LRP6: variants seen among roughly 807,000 people sequenced by gnomAD.
LRP6 encodes low-density lipoprotein receptor-related protein 6.
LRP6 carries 43 observed loss-of-function variants against 184.1 expected under a neutral mutation model. That is an observed-to-expected ratio of 0.23 (90% CI 0.18 to 0.30). The LOEUF (loss-of-function observed/expected upper bound fraction) is 0.30. LRP6 is among the 10% of genes least tolerant of loss of function. LRP6 has a pLI of 1.00. For synonymous variants in LRP6, 719 were observed against 684.9 expected, an observed-to-expected ratio of 1.05 and a Z score of -0.78; for missense variants, 1,571 against 2,005.3, an observed-to-expected ratio of 0.78 and a Z score of 4.14.
At chr12:12,216,625 G>C (rs948937799) in intron 2 of LRP6, among the ~76,000 whole-genome samples, 60 of 150,396 alleles carry the variant, frequency 4.0e-4, no homozygotes, top group Admixed American at 1.1e-3. Context: ...GGGTTTTCTT[G>C]GATGTGGTCT....
At chr12:12,222,918 A>G (rs180706382) in intron 2 of LRP6, among the ~76,000 whole-genome samples, 1 of 152,326 alleles carries the variant, frequency 6.6e-6, no homozygotes, top group East Asian at 1.9e-4. Context: ...AAGTATATAA[A>G]GCATTTAGCA....
intron 2 of LRP6, among the ~76,000 whole-genome samples, chr12:12,232,225 A>C (rs1281448843): frequency 1.3e-5 from 2 of 151,852 alleles, no homozygotes; most frequent in East Asian, 3.9e-4. Context: ...CTACTAAAAA[A>C]TACAAAAAAT....
intron 2 of LRP6, among the ~76,000 whole-genome samples, chr12:12,233,116 T>C (rs1202186629): frequency 1.3e-5 from 2 of 152,170 alleles, no homozygotes; most frequent in Non-Finnish European, 2.9e-5. Flanking sequence ...TCTTCAAATC[T>C]TTCTTTCCAA....
intron 1 of LRP6, chr12:12,248,937 T>G (rs1303256510): frequency 4.5e-6 from 2 of 441,380 alleles, no homozygotes; most frequent in Non-Finnish European, 8.2e-6. Flanking sequence ...CTCTCTGTTG[T>G]TCCAAATGAC....
At chr12:12,153,047 T>A (rs1950102966) in intron 12 of LRP6, among the ~76,000 whole-genome samples, 1 of 152,228 alleles carries the variant, frequency 6.6e-6, no homozygotes, top group African/African-American at 2.4e-5. Flanking sequence ...ATTTAACAAC[T>A]TTTAGCAATT....
At chr12:12,201,364 C>A (rs1863910919) in intron 3 of LRP6, among the ~76,000 whole-genome samples, 1 of 152,180 alleles carries the variant, frequency 6.6e-6, no homozygotes, top group Admixed American at 6.5e-5. Flanking sequence ...CTTCTTCTGT[C>A]TTTACCATAG....
At chr12:12,164,889 T>C (rs1477867798) in intron 8 of LRP6, among the ~76,000 whole-genome samples, 190 bp downstream of exon 8, 2 of 108,512 alleles carry the variant, frequency 1.8e-5, no homozygotes, top group Admixed American at 2.7e-4. Flanking sequence ...GCTAGAGTAG[T>C]AAGTCAACGT....
chr12:12,149,256 G>A, intron 13 of LRP6, 103 bp from the exon 14 acceptor site: 1 of 895,930 alleles, frequency 1.1e-6, no homozygotes. Context: ...CAGCTGAGAA[G>A]GCTCTCTCAA....
At chr12:12,218,934 A>C (rs1195753271) in intron 2 of LRP6, among the ~76,000 whole-genome samples, 1 of 152,198 alleles carries the variant, frequency 6.6e-6, no homozygotes, top group Non-Finnish European at 1.5e-5. Flanking sequence ...AAAATGGTAG[A>C]GCAAGTTTAA....
intron 3 of LRP6, among the ~76,000 whole-genome samples, chr12:12,189,972 C>CT (rs1187955779): frequency 1.3e-5 from 2 of 152,162 alleles, no homozygotes; most frequent in African/African-American, 4.8e-5. Flanking sequence ...GAGTAAAACT[C>CT]TAGCTTATTT....
At chr12:12,204,170 T>C (rs946050346) in intron 2 of LRP6, among the ~76,000 whole-genome samples, 4 of 151,546 alleles carry the variant, frequency 2.6e-5, no homozygotes, top group Middle Eastern at 3.4e-3. Flanking sequence ...ATATTATTCC[T>C]GCCCCCAAAA....
intron 12 of LRP6, among the ~76,000 whole-genome samples, chr12:12,156,686 T>TG (rs1025325708): frequency 5.3e-5 from 8 of 152,238 alleles, no homozygotes; most frequent in Non-Finnish European, 1.0e-4. Flanking sequence ...ATCCAGTGTA[T>TG]GCTATTTTAG....
At chr12:12,196,555 G>A (rs1179847354) in intron 3 of LRP6, among the ~76,000 whole-genome samples, 1 of 151,364 alleles carries the variant, frequency 6.6e-6, no homozygotes, top group African/African-American at 2.4e-5. Context: ...TTTGTATCCT[G>A]CAACTTTACC....
intron 15 of LRP6, 48 bp from the exon 16 acceptor site, chr12:12,138,582 T>G (rs764611192): frequency 6.6e-7 from 1 of 1,514,838 alleles, no homozygotes; most frequent in East Asian, 2.3e-5. Context: ...TGGGTCAAGT[T>G]ATACTTTTGG....
At chr12:12,177,858 A>T (rs1229349872) in intron 7 of LRP6, among the ~76,000 whole-genome samples, 1 of 152,188 alleles carries the variant, frequency 6.6e-6, no homozygotes, top group Non-Finnish European at 1.5e-5. Context: ...TATGGGTGAC[A>T]GAGCCTTTGC....
chr12:12,121,822 C>CA (rs541124335), intron 22 of LRP6, among the ~76,000 whole-genome samples: 5 of 152,308 alleles, frequency 3.3e-5, no homozygotes, highest in Admixed American at 3.3e-4. Flanking sequence ...ATTCCCTCAA[C>CA]ATTCTTTACT....
At chr12:12,180,128 T>A in intron 6 of LRP6, 147 bp from the exon 7 acceptor site, 1 of 662,882 alleles carries the variant, frequency 1.5e-6, no homozygotes, top group Non-Finnish European at 2.6e-6. Flanking sequence ...TATGAAGAGG[T>A]GTTTAAGACA....
In LRP6 at chr12:12,223,866, G is replaced by C. The variant is rs577990820; in HGVS notation, c.449+20396C>G. Reference sequence around the variant, plus strand: ...TTTCCATTCCAACAGTGAGAAATCTGGCTACCACAATCCACCATCCACTTA... The same window carrying C: ...TTTCCATTCCAACAGTGAGAAATCTCGCTACCACAATCCACCATCCACTTA... On this transcript the variant is annotated intron_variant, in intron 2 of 22. Coordinates refer to ENST00000261349, the MANE Select transcript of LRP6 (RefSeq NM_002336.3). 4.6e-5 allele frequency among the ~76,000 whole-genome samples: 7 copies of C among 152,160 alleles called. No individual in the cohort carries two copies. The South Asian group carries it at 1.2e-3, about 27-fold the overall frequency.
chr12:12,228,370 A>G (rs1277478168), intron 2 of LRP6, among the ~76,000 whole-genome samples: 1 of 152,220 alleles, frequency 6.6e-6, no homozygotes, highest in Non-Finnish European at 1.5e-5. Context: ...TCTCAAAAAA[A>G]AAAGAAAGAG....
Sources: allele counts gnomAD v4.1 joint callset (sites outside exome capture counted in the v4.1 genomes callset), GRCh38; gene constraint gnomAD v4.1.1; transcripts MANE v1.5; gene names NCBI Gene and HGNC (gene_info 2026-07-23, HGNC 2026-07-21).